FILIP1L: variants seen among roughly 807,000 people sequenced by gnomAD.
FILIP1L encodes the protein filamin A-interacting protein 1-like.
Under a neutral mutation model 96.6 loss-of-function variants are expected in FILIP1L, and 55 were observed. The ratio of observed to expected loss-of-function variants is 0.57; its 90% CI spans 0.46 to 0.71. The LOEUF is 0.71. Ranked by LOEUF, FILIP1L falls within the 30% of genes least tolerant of loss-of-function variation. FILIP1L has a pLI of 0.00. For missense variants in FILIP1L, 1,304 were observed against 1,321.2 expected, an observed-to-expected ratio of 0.99 and a Z score of 0.20; for synonymous variants, 467 against 473.9, an observed-to-expected ratio of 0.99 and a Z score of 0.19.
chr3:100,088,094 G>A (rs2066043771), intron 1 of FILIP1L, among the ~76,000 whole-genome samples: 1 of 152,030 alleles, frequency 6.6e-6, no homozygotes, highest in Middle Eastern at 3.2e-3. Flanking sequence ...GCCTCCCAAA[G>A]TGCTGGGATT....
intron 4 of FILIP1L, among the ~76,000 whole-genome samples, chr3:99,903,634 G>A (rs769140825): frequency 2.6e-5 from 4 of 152,100 alleles, no homozygotes; most frequent in Non-Finnish European, 5.9e-5. Context: ...ATAGATTTAT[G>A]GATGATTCCA....
chr3:99,996,351 A>G (rs571868508), intron 1 of FILIP1L, among the ~76,000 whole-genome samples: 64 of 152,246 alleles, frequency 4.2e-4, no homozygotes, highest in Non-Finnish European at 7.5e-4. Context: ...CCTGGACCTT[A>G]TTGTCCATAT....
intron 1 of FILIP1L, among the ~76,000 whole-genome samples, chr3:100,073,195 T>A (rs1282881736): frequency 1.3e-5 from 2 of 152,326 alleles, no homozygotes; most frequent in Middle Eastern, 6.8e-3. Flanking sequence ...AAATCTGGTT[T>A]GCCACCTGTT....
chr3:99,860,537 G>A (rs981644132), intron 4 of FILIP1L, among the ~76,000 whole-genome samples: 1 of 152,178 alleles, frequency 6.6e-6, no homozygotes, highest in African/African-American at 2.4e-5. Context: ...TCCAGAACAA[G>A]TAAAAGGCCA....
intron 1 of FILIP1L, among the ~76,000 whole-genome samples, chr3:99,954,048 A>G (rs147763513): frequency 1.6e-4 from 24 of 152,356 alleles, no homozygotes; most frequent in African/African-American, 5.5e-4. Context: ...GTGACCCTCA[A>G]GGAGGAGAAG....
At chr3:99,831,263 T>C (rs1042563756) in intron 5 of FILIP1L, among the ~76,000 whole-genome samples, 1 of 152,258 alleles carries the variant, frequency 6.6e-6, no homozygotes, top group African/African-American at 2.4e-5. Context: ...TTTACTTAGA[T>C]ATGTTAAAAG....
At chr3:99,941,738 A>C (rs1343560835) in intron 1 of FILIP1L, among the ~76,000 whole-genome samples, 1 of 152,250 alleles carries the variant, frequency 6.6e-6, no homozygotes, top group Non-Finnish European at 1.5e-5. Flanking sequence ...AGTATTTAAT[A>C]ATGTAGGAAA....
intron 3 of FILIP1L, among the ~76,000 whole-genome samples, chr3:99,924,825 A>G (rs1229233908): frequency 6.6e-6 from 1 of 152,158 alleles, no homozygotes; most frequent in Non-Finnish European, 1.5e-5. Flanking sequence ...CCCGGCCAGC[A>G]GTGGGTTTTT....
intron 4 of FILIP1L, among the ~76,000 whole-genome samples, chr3:99,881,525 A>ATC (rs376739497): frequency 2.0e-5 from 3 of 148,132 alleles, no homozygotes; most frequent in African/African-American, 7.4e-5. Flanking sequence ...TTTGTAGCCC[A>ATC]TCTCTCTCTC....
chr3:99,858,138 T>G (rs926589383), intron 4 of FILIP1L, among the ~76,000 whole-genome samples: 25 of 152,140 alleles, frequency 1.6e-4, no homozygotes, highest in African/African-American at 6.0e-4. Flanking sequence ...ATCTATCTCT[T>G]TACTGTATTA....
chr3:99,880,465 A>G (rs1240506638), intron 4 of FILIP1L, among the ~76,000 whole-genome samples: 3 of 152,092 alleles, frequency 2.0e-5, no homozygotes, highest in Non-Finnish European at 4.4e-5. Flanking sequence ...TCCCAGGCCT[A>G]TATATGGTCC....
intron 1 of FILIP1L, among the ~76,000 whole-genome samples, chr3:99,996,758 A>G (rs1297107569): frequency 1.3e-5 from 2 of 152,046 alleles, no homozygotes; most frequent in Non-Finnish European, 2.9e-5. Flanking sequence ...CGTGAGACTT[A>G]CTCACTACCA....
chr3:100,019,443 A>G (rs954410624), intron 1 of FILIP1L, among the ~76,000 whole-genome samples: 2 of 152,218 alleles, frequency 1.3e-5, no homozygotes, highest in Non-Finnish European at 1.5e-5. Context: ...AAAATTAATA[A>G]TAAGTGATGA....
chr3:99,962,261 G>A (rs940998545), intron 1 of FILIP1L, among the ~76,000 whole-genome samples: 1 of 152,122 alleles, frequency 6.6e-6, no homozygotes, highest in Non-Finnish European at 1.5e-5. Context: ...AGAAATGCTA[G>A]GGCAGAAACC....
At chr3:99,914,625 G>T (rs1254890509) in intron 4 of FILIP1L, among the ~76,000 whole-genome samples, 1 of 152,120 alleles carries the variant, frequency 6.6e-6, no homozygotes, top group Non-Finnish European at 1.5e-5. Flanking sequence ...GTTAGTAATG[G>T]TATAAATATC....
At chr3:99,988,138 C>A (rs553588020) in intron 1 of FILIP1L, among the ~76,000 whole-genome samples, 1 of 151,942 alleles carries the variant, frequency 6.6e-6, no homozygotes, top group African/African-American at 2.4e-5. Context: ...TATAAGTGAA[C>A]AAAAGCTAAA....
chr3:100,026,804 T>C (rs949592471), intron 1 of FILIP1L, among the ~76,000 whole-genome samples: 21 of 152,106 alleles, frequency 1.4e-4, no homozygotes, highest in Non-Finnish European at 2.6e-4. Flanking sequence ...GTCTCACTGC[T>C]TCCATTCTTT....
rs187509163 is a variant in FILIP1L at position 99,971,233 on chromosome 3, G to A, written c.-10-40203C>T. Among the ~76,000 whole-genome samples, 1,082 of 152,118 alleles carry A rather than the reference G, an allele frequency of 7.1e-3. 18 individuals are homozygous for A. The highest frequency in any genetic ancestry group is 0.025 in the African/African-American group (1,040 of 41,480). On this transcript the variant is annotated intron_variant, in intron 1 of 5. Coordinates refer to ENST00000477258, the MANE Select transcript of FILIP1L (RefSeq NM_001387850.1). ...CAGATGCCTGTAGTCCCAGCTACTC[G>A]GGAGGCTGAGGCAGGAGAATGGCGT...
intron 4 of FILIP1L, among the ~76,000 whole-genome samples, chr3:99,920,513 G>A (rs150585706): frequency 6.6e-6 from 1 of 152,186 alleles, no homozygotes; most frequent in Admixed American, 6.5e-5. Context: ...GGTGACACAC[G>A]TATCCACATG....
Sources: allele counts gnomAD v4.1 joint callset (sites outside exome capture counted in the v4.1 genomes callset), GRCh38; gene constraint gnomAD v4.1.1; transcripts MANE v1.5; gene names NCBI Gene and HGNC (gene_info 2026-07-23, HGNC 2026-07-21).